RBFOX1: variants seen among roughly 807,000 people sequenced by gnomAD.
The protein encoded by RBFOX1 is RNA binding protein fox-1 homolog 1.
Under a neutral mutation model 57.7 loss-of-function variants are expected in RBFOX1, and 8 were observed. That is an observed-to-expected ratio of 0.14 (90% CI 0.08 to 0.25). The LOEUF is 0.25. RBFOX1 is among the 10% of genes least tolerant of loss of function. The probability of loss-of-function intolerance (pLI) is 1.00; values close to 1 mark genes in which losing one functional copy is unlikely to be tolerated. For synonymous variants in RBFOX1, 326 were observed against 222.4 expected (o/e 1.47, Z -4.15); for missense variants, 611 against 548.5 (o/e 1.11, Z -1.14).
intron 2 of RBFOX1, among the ~76,000 whole-genome samples, chr16:6,556,982 CGT>C (rs1438563980): frequency 7.1e-6 from 1 of 140,802 alleles, no homozygotes; most frequent in African/African-American, 2.6e-5. Context: ...TACACACATA[CGT>C]ATATATACAT....
intron 2 of RBFOX1, among the ~76,000 whole-genome samples, chr16:6,480,291 C>A (rs1040434460): frequency 2.7e-4 from 41 of 152,094 alleles, no homozygotes; most frequent in Admixed American, 2.7e-3. Context: ...TATATGTATA[C>A]ATGTTATATG....
intron 3 of RBFOX1, among the ~76,000 whole-genome samples, chr16:7,034,840 TCTTTTTTC>T (rs1376231200): frequency 2.1e-5 from 2 of 96,108 alleles, no homozygotes; most frequent in Non-Finnish European, 4.0e-5. Flanking sequence ...TTTTTTTTTT[TCTTTTTTC>T]TTTTTTTTTT....
intron 2 of RBFOX1, among the ~76,000 whole-genome samples, chr16:5,495,177 G>C (rs550060750): frequency 1.3e-5 from 2 of 152,312 alleles, no homozygotes; most frequent in Admixed American, 1.3e-4. Flanking sequence ...TTACACGGCA[G>C]ATCAGGAGAT....
At chr16:6,545,813 G>C (rs1292454480) in intron 2 of RBFOX1, among the ~76,000 whole-genome samples, 1 of 152,198 alleles carries the variant, frequency 6.6e-6, no homozygotes, top group East Asian at 1.9e-4. Flanking sequence ...AGCTATAGGA[G>C]AGTAATCTAA....
intron 3 of RBFOX1, among the ~76,000 whole-genome samples, chr16:6,823,835 G>A (rs374601547): frequency 1.3e-5 from 2 of 152,148 alleles, no homozygotes; most frequent in Admixed American, 6.5e-5. Context: ...CAGGTAATCA[G>A]AGAAATAGAG....
intron 2 of RBFOX1, among the ~76,000 whole-genome samples, chr16:6,526,951 C>T (rs2096589205): frequency 6.7e-6 from 1 of 149,128 alleles, no homozygotes. Flanking sequence ...TTAAATAAAT[C>T]ACCCAAGATC....
chr16:6,129,341 A>G (rs916621351), intron 1 of RBFOX1, among the ~76,000 whole-genome samples: 3 of 152,196 alleles, frequency 2.0e-5, no homozygotes, highest in Non-Finnish European at 4.4e-5. Flanking sequence ...AAAGGAATCA[A>G]ATGGAAAGTT....
chr16:6,696,944 A>C (rs150676586), intron 3 of RBFOX1, among the ~76,000 whole-genome samples: 39 of 152,306 alleles, frequency 2.6e-4, no homozygotes, highest in African/African-American at 9.1e-4. Context: ...AGCAGGCTAA[A>C]ATGCCTGTAG....
At chr16:6,545,659 T>C (rs565448718) in intron 2 of RBFOX1, among the ~76,000 whole-genome samples, 95 of 152,264 alleles carry the variant, frequency 6.2e-4, no homozygotes, top group Non-Finnish European at 1.2e-3. Flanking sequence ...CTTGTTAAGT[T>C]ACTCACCATG....
intron 1 of RBFOX1, among the ~76,000 whole-genome samples, chr16:5,373,460 C>T (rs915744090): frequency 6.6e-6 from 1 of 152,084 alleles, no homozygotes; most frequent in Non-Finnish European, 1.5e-5. Flanking sequence ...AGCACCTCTC[C>T]CTTCACTTTC....
At chr16:5,284,790 G>A (rs1312129650) in intron 1 of RBFOX1, among the ~76,000 whole-genome samples, 2 of 31,260 alleles carry the variant, frequency 6.4e-5, no homozygotes, top group East Asian at 1.0e-3. Flanking sequence ...TTTACTTGTA[G>A]TATACAGACC....
chr16:7,067,177 C>T (rs1398651878), intron 4 of RBFOX1, among the ~76,000 whole-genome samples: 7 of 152,160 alleles, frequency 4.6e-5, no homozygotes, highest in African/African-American at 1.4e-4. Context: ...ATCCTTTCAC[C>T]AAACCCAGAG....
At chr16:7,371,849 A>G (rs1178972151) in intron 4 of RBFOX1, among the ~76,000 whole-genome samples, 1 of 152,228 alleles carries the variant, frequency 6.6e-6, no homozygotes, top group African/African-American at 2.4e-5. Flanking sequence ...ATCAGTCTAA[A>G]TGCCCTGTGT....
At chr16:5,898,498 A>T (rs372278709) in intron 4 of RBFOX1, among the ~76,000 whole-genome samples, 10 of 149,772 alleles carry the variant, frequency 6.7e-5, no homozygotes, top group Middle Eastern at 3.6e-3. Context: ...AGGAGTAATG[A>T]TGATAATAAT....
chr16:6,826,923 A>G (rs2092223366), intron 3 of RBFOX1, among the ~76,000 whole-genome samples: 2 of 152,298 alleles, frequency 1.3e-5, no homozygotes, highest in South Asian at 2.1e-4. Context: ...CTGATGTTCC[A>G]TTTTTTGTGC....
intron 1 of RBFOX1, among the ~76,000 whole-genome samples, chr16:6,084,271 T>C (rs1220484234): frequency 1.3e-5 from 2 of 152,176 alleles, no homozygotes; most frequent in African/African-American, 4.8e-5. Context: ...TGAGACAGTG[T>C]CTTGCTCTGT....
At position 7,652,978 on chromosome 16, in the gene RBFOX1, T is replaced by C. The variant is rs536899390; in HGVS notation, c.758-837T>C. The stretch of plus-strand genomic sequence containing the variant: ...GAAAGTTATGAATAAAAACCACTCA[T>C]GCAGTTCGGCCCCAGAGATTGCTAG... On this transcript the variant is annotated intron_variant, in intron 11 of 15. Coordinates refer to ENST00000550418, the MANE Select transcript of RBFOX1 (RefSeq NM_018723.4). Among the ~76,000 whole-genome samples, 142 of 152,322 alleles carry C rather than the reference T, an allele frequency of 9.3e-4. 2 individuals are homozygous for C. The highest frequency in any genetic ancestry group is 3.3e-3 in the African/African-American group (139 of 41,580).
At chr16:7,024,918 G>C (rs1368167348) in intron 3 of RBFOX1, among the ~76,000 whole-genome samples, 1 of 152,092 alleles carries the variant, frequency 6.6e-6, no homozygotes, top group African/African-American at 2.4e-5. Context: ...TCACTTTATA[G>C]AGGAGGACAC....
chr16:7,177,721 G>A (rs552068101), intron 4 of RBFOX1, among the ~76,000 whole-genome samples: 1 of 152,166 alleles, frequency 6.6e-6, no homozygotes, highest in Non-Finnish European at 1.5e-5. Context: ...TGAGGAGCCA[G>A]GTCATAAATA....
Sources: gnomAD v4.1 joint callset for allele counts (sites outside exome capture counted in the v4.1 genomes callset) on GRCh38, gnomAD v4.1.1 for gene constraint, MANE v1.5 for transcripts, NCBI Gene and HGNC (gene_info 2026-07-23, HGNC 2026-07-21) for gene names.